The following NCALD variants were observed in gnomAD, a reference collection of about 807,000 sequenced individuals.
NCALD encodes neurocalcin delta.
NCALD carries 10 observed loss-of-function variants against 18.6 expected under a neutral mutation model. That is an observed-to-expected ratio of 0.54 (90% CI 0.33 to 0.91). NCALD has a LOEUF of 0.91. NCALD is among the 40% of genes least tolerant of loss of function. NCALD has a pLI of 0.03. For missense variants in NCALD, 184 were observed against 247.6 expected (o/e 0.74, Z 1.72); for synonymous variants, 88 against 87.4 (o/e 1.01, Z -0.04).
chr8:101,897,395 T>C (rs112958861), intron 3 of NCALD, among the ~76,000 whole-genome samples: 136 of 139,916 alleles, frequency 9.7e-4, no homozygotes, highest in African/African-American at 3.5e-3. Flanking sequence ...AGGGATAGCA[T>C]TGGGAGATAT....
Position 101,924,968 on chromosome 8 carries a change from C to T in NCALD, c.-156-9110G>A, listed in dbSNP as rs990376840. ...TTCCTTCAGATGCTGTGATTCATTCCGATGTTGATTCTGTGACTTCAGTTG... is the reference window on the plus strand; with the variant it reads ...TTCCTTCAGATGCTGTGATTCATTCTGATGTTGATTCTGTGACTTCAGTTG... On this transcript the variant is annotated intron_variant, in intron 2 of 6. Transcript: ENST00000311028. 3.9e-5 allele frequency among the ~76,000 whole-genome samples: 6 copies of T among 152,108 alleles called. No homozygotes were observed. In the East Asian group the frequency reaches 5.8e-4, roughly 15 times the overall value.
At chr8:101,690,853 G>A in intron 3 of NCALD, 2 of 985,370 alleles carry the variant, frequency 2.0e-6, no homozygotes, top group Non-Finnish European at 1.2e-6. Flanking sequence ...CGTGATCTCT[G>A]AACACTTTGC....
intron 2 of NCALD, among the ~76,000 whole-genome samples, chr8:101,965,003 A>T (rs918190350): frequency 6.6e-6 from 1 of 152,216 alleles, no homozygotes; most frequent in Non-Finnish European, 1.5e-5. Flanking sequence ...GCCAACAAAC[A>T]TATGAAAAAA....
chr8:101,854,016 G>T (rs1815202056), intron 4 of NCALD, among the ~76,000 whole-genome samples: 1 of 152,196 alleles, frequency 6.6e-6, no homozygotes, highest in Non-Finnish European at 1.5e-5. Flanking sequence ...GCTGCTCCGA[G>T]GACTCTATGT....
chr8:102,019,821 T>C (rs184964126), intron 2 of NCALD, among the ~76,000 whole-genome samples: 102 of 152,294 alleles, frequency 6.7e-4, no homozygotes, highest in African/African-American at 2.3e-3. Flanking sequence ...ATAAAAATCA[T>C]TTGATCATCT....
chr8:102,111,422 G>A (rs1003988082), intron 1 of NCALD, among the ~76,000 whole-genome samples: 2 of 151,720 alleles, frequency 1.3e-5, no homozygotes, highest in African/African-American at 4.8e-5. Flanking sequence ...ATGTGTGTGT[G>A]TGTGTGTGTG....
chr8:101,947,604 C>G (rs1644828399), intron 2 of NCALD, among the ~76,000 whole-genome samples: 1 of 152,192 alleles, frequency 6.6e-6, no homozygotes, highest in African/African-American at 2.4e-5. Context: ...GACTAAACAG[C>G]TGATATCATC....
chr8:101,815,196 G>A (rs1425223863), intron 4 of NCALD, among the ~76,000 whole-genome samples: 1 of 152,116 alleles, frequency 6.6e-6, no homozygotes, highest in Non-Finnish European at 1.5e-5. Context: ...CTGGAGGACT[G>A]ACATTACTTG....
chr8:101,689,333 G>C lies in NCALD; in HGVS notation c.558C>G (p.Asp186Glu). The C allele has an allele frequency of 6.2e-7, 1 of 1,613,886 alleles. No individual in the cohort carries two copies. The highest frequency in any genetic ancestry group is 8.5e-7 in the Non-Finnish European group (1 of 1,179,922). ...CTCAGAACTGGCCGGCACTGCTCGG[G>C]TCGCACTGCAGGAGGCGCACAATGG... ...DPSIVRLLQC[D>E]PSSAGQF The change falls in exon 4 of 4, where the codon GAC becomes GAG. Residue 186 changes from aspartate (D) to glutamate (E), a missense_variant. Physicochemically the swap from Asp to Glu is conservative, Grantham distance 45. Transcript: ENST00000220931. This position sits in a 1 kb window ranked among gnomAD's most constrained non-coding sequence, Gnocchi z 4.4.
Position 101,703,012 on chromosome 8 carries a change from A to G in NCALD, c.379-10116T>C, listed in dbSNP as rs529637892. On this transcript the variant is annotated intron_variant, in intron 2 of 3. Coordinates refer to ENST00000220931, the MANE Select transcript of NCALD (RefSeq NM_032041.3). ...AAATCTATTTAACCCAGGTTTTCTC[A>G]AACTGGTTTGACCAGAACCCTTTTG... 3.4e-3 allele frequency among the ~76,000 whole-genome samples: 512 copies of G among 152,354 alleles called. 2 individuals are homozygous for G. Among genetic ancestry groups the G allele is most frequent in the Non-Finnish European group, 5.9e-3 (404 of 68,034 alleles).
At chr8:101,856,282 CCCACTTCAGCCCCCAGAGTGACTTGGA>C (rs1488429519) in intron 4 of NCALD, among the ~76,000 whole-genome samples, 1 of 152,212 alleles carries the variant, frequency 6.6e-6, no homozygotes, top group Non-Finnish European at 1.5e-5. Context: ...CGTAAATTCT[CCCACTTCAGCCCCCAGAGTGACTTGGA>C]CCACAGGCGC....
intron 1 of NCALD, among the ~76,000 whole-genome samples, chr8:102,086,069 A>G (rs1167571042): frequency 5.3e-5 from 8 of 152,204 alleles, no homozygotes; most frequent in Non-Finnish European, 1.2e-4. Flanking sequence ...TGTTTAAAAC[A>G]TGTTTAAATT....
At chr8:101,752,547 CTATG>C (rs1186012901) in intron 1 of NCALD, among the ~76,000 whole-genome samples, 1 of 152,160 alleles carries the variant, frequency 6.6e-6, no homozygotes, top group Non-Finnish European at 1.5e-5. Context: ...AAAAGATAAC[CTATG>C]TATCAGAAAT....
At chr8:101,864,144 A>G (rs1815659887) in intron 4 of NCALD, among the ~76,000 whole-genome samples, 1 of 152,188 alleles carries the variant, frequency 6.6e-6, no homozygotes, top group Non-Finnish European at 1.5e-5. Flanking sequence ...AGCTCAATCA[A>G]TCTATAAGAC....
chr8:102,021,652 GA>G (rs1412362563), intron 1 of NCALD, among the ~76,000 whole-genome samples: 2 of 152,230 alleles, frequency 1.3e-5, no homozygotes, highest in Admixed American at 1.3e-4. Flanking sequence ...CATGGTGGAA[GA>G]GACACTTTCT....
intron 4 of NCALD, among the ~76,000 whole-genome samples, chr8:101,811,802 G>A (rs943917860): frequency 1.1e-4 from 16 of 152,180 alleles, no homozygotes; most frequent in African/African-American, 3.9e-4. Flanking sequence ...AGGTTGCCTA[G>A]TTGGCTTTTG....
intron 2 of NCALD, among the ~76,000 whole-genome samples, chr8:101,717,304 A>C (rs1314122530): frequency 6.6e-6 from 1 of 152,238 alleles, no homozygotes; most frequent in Admixed American, 6.5e-5. Context: ...TAGAAAATTT[A>C]TGACTTGGAG....
chr8:101,701,104 G>T (rs1245221207), intron 2 of NCALD, among the ~76,000 whole-genome samples: 1 of 152,188 alleles, frequency 6.6e-6, no homozygotes, highest in East Asian at 1.9e-4. Flanking sequence ...CAGAGTGAGT[G>T]GGTGACAGCC....
In NCALD at chr8:102,071,151, G is replaced by A. The variant is rs191337261; in HGVS notation, c.-209-50862C>T. ...CTTAGTAAGAGTCTTATAAAAGAACGCAATGAACACTAACATAACATCAGT... is the reference window on the plus strand; with the variant it reads ...CTTAGTAAGAGTCTTATAAAAGAACACAATGAACACTAACATAACATCAGT... On this transcript the variant is annotated intron_variant, in intron 1 of 6. Transcript: ENST00000311028. Among the ~76,000 whole-genome samples the A allele has an allele frequency of 1.4e-3, 210 of 152,100 alleles. 2 individuals are homozygous for A. The highest frequency in any genetic ancestry group is 1.6e-3 in the Non-Finnish European group (111 of 67,998).
Sources: gnomAD v4.1 joint callset for allele counts (sites outside exome capture counted in the v4.1 genomes callset) on GRCh38, gnomAD v4.1.1 for gene constraint, Gnocchi (gnomAD v3.1) non-coding constraint, MANE v1.5 for transcripts, NCBI Gene and HGNC (gene_info 2026-07-23, HGNC 2026-07-21) for gene names.